INPP5F: variants seen among roughly 807,000 people sequenced by gnomAD.
INPP5F encodes inositol polyphosphate-5-phosphatase F.
In INPP5F, 97 loss-of-function variants were observed where a neutral mutation model predicts 137.2. The ratio of observed to expected loss-of-function variants is 0.71; its 90% CI spans 0.60 to 0.84. INPP5F has a LOEUF of 0.84. Ranked by LOEUF, INPP5F falls within the 40% of genes least tolerant of loss-of-function variation. INPP5F has a pLI of 0.00. For missense variants in INPP5F, 1,271 were observed against 1,371.9 expected (o/e 0.93, Z 1.16); for synonymous variants, 504 against 476.9 (o/e 1.06, Z -0.74).
chr10:119,804,618 A>C (rs1025584374), intron 10 of INPP5F, among the ~76,000 whole-genome samples: 5 of 151,858 alleles, frequency 3.3e-5, no homozygotes, highest in African/African-American at 1.2e-4. Context: ...TAGCAGAAGT[A>C]ATAGAATTTC....
intron 2 of INPP5F, among the ~76,000 whole-genome samples, chr10:119,758,991 G>C (rs904278585): frequency 6.6e-6 from 1 of 152,130 alleles, no homozygotes; most frequent in Non-Finnish European, 1.5e-5. Flanking sequence ...CATTGTTTTA[G>C]TGCATGCCTT....
At chr10:119,794,295 A>T (rs1211561725) in intron 6 of INPP5F, among the ~76,000 whole-genome samples, 1 of 152,164 alleles carries the variant, frequency 6.6e-6, no homozygotes, top group Non-Finnish European at 1.5e-5. Flanking sequence ...TTCAACCCTG[A>T]GTGGATACAG....
At chr10:119,785,286 G>GTTTTTTTTGTTTTTTTTTTTTTTTTT (rs1849846687) in intron 3 of INPP5F, among the ~76,000 whole-genome samples, 7 of 106,238 alleles carry the variant, frequency 6.6e-5, no homozygotes, top group African/African-American at 2.6e-4. Flanking sequence ...CTGCCAGACT[G>GTTTTTTTTGTTTTTTTTTTTTTTTTT]TTTTTTTTTT....
At position 119,827,822 on chromosome 10, in the gene INPP5F, T is replaced by C; in HGVS notation, c.*42T>C. 5 of 1,390,016 alleles carry C rather than the reference T, an allele frequency of 3.6e-6. No homozygotes were observed. The highest frequency in any genetic ancestry group is 4.9e-6 in the Non-Finnish European group (5 of 1,015,680). The allele number at this position is 1,390,016 out of a possible 1,614,324, so 86.1% of individuals were successfully genotyped here. The stretch of plus-strand genomic sequence containing the variant: ...TCCTTCCATGGCTTTTATTTAAAAA[T>C]ATGAAATTTTCACCTCTTGGGGTAT... On this transcript the variant is annotated 3_prime_UTR_variant, in exon 20 of 20. Transcript: ENST00000650623.
At chr10:119,780,660 GTGTC>G in intron 2 of INPP5F, among the ~76,000 whole-genome samples, 2 of 152,288 alleles carry the variant, frequency 1.3e-5, no homozygotes, top group Middle Eastern at 6.8e-3. Flanking sequence ...ATTGAGTTCT[GTGTC>G]TGTGGATCTA....
chr10:119,782,785 A>G (rs1209663699), intron 3 of INPP5F, among the ~76,000 whole-genome samples: 11 of 152,204 alleles, frequency 7.2e-5, no homozygotes, highest in Non-Finnish European at 1.5e-4. Context: ...CTGGTCCTAT[A>G]TAATTCTGCT....
At chr10:119,750,198 A>AT (rs1391163557) in intron 1 of INPP5F, among the ~76,000 whole-genome samples, 2 of 152,262 alleles carry the variant, frequency 1.3e-5, no homozygotes, top group Non-Finnish European at 2.9e-5. Flanking sequence ...TGAGTTACAG[A>AT]TTGAGTGTAA....
intron 2 of INPP5F, among the ~76,000 whole-genome samples, chr10:119,763,052 T>C (rs146725484): frequency 1.3e-5 from 2 of 152,320 alleles, no homozygotes; most frequent in African/African-American, 2.4e-5. Context: ...ATACAAGTTA[T>C]GTACTTAGAA....
chr10:119,821,190 G>A (rs999642842), intron 16 of INPP5F, among the ~76,000 whole-genome samples: 1 of 152,092 alleles, frequency 6.6e-6, no homozygotes, highest in African/African-American at 2.4e-5. Flanking sequence ...ATATTTCCCA[G>A]GTTTTGATGT....
At chr10:119,797,385 G>T in intron 7 of INPP5F, 76 bp from the exon 8 acceptor site, 2 of 1,155,706 alleles carry the variant, frequency 1.7e-6, no homozygotes, top group South Asian at 3.0e-5. Context: ...ACATACATTT[G>T]ATTAGGAAGC....
Position 119,823,183 on chromosome 10 carries a change from T to C in INPP5F, c.2145T>C (p.Pro715=). Residue 715 remains proline, a synonymous_variant, in exon 18 of 20, where the codon CCT becomes CCC. Transcript: ENST00000650623. ...FHTLRAVMRN[P]EEDGKDTLQC... ...CATTGCGAGCTGTAATGCGTAATCCTGAAGAGGATGGAAAAGGTAAAAAGA... is the reference window on the plus strand; with the variant it reads ...CATTGCGAGCTGTAATGCGTAATCCCGAAGAGGATGGAAAAGGTAAAAAGA... 1 of 1,613,802 alleles carries C rather than the reference T, an allele frequency of 6.2e-7. No individual in the cohort carries two copies. Among genetic ancestry groups the C allele is most frequent in the Non-Finnish European group, 8.5e-7 (1 of 1,179,846 alleles).
At chr10:119,750,853 A>G (rs929588858) in intron 1 of INPP5F, among the ~76,000 whole-genome samples, 2 of 152,284 alleles carry the variant, frequency 1.3e-5, no homozygotes, top group African/African-American at 4.8e-5. Flanking sequence ...TCTGAATGTT[A>G]CTGCTTTCCC....
chr10:119,742,167 A>ATTTATTTAT (rs1261837974), intron 1 of INPP5F, among the ~76,000 whole-genome samples: 2 of 149,470 alleles, frequency 1.3e-5, no homozygotes, highest in African/African-American at 2.5e-5. Flanking sequence ...TTATTTATTT[A>ATTTATTTAT]TTTTTTGAGA....
At chr10:119,753,430 A>T (rs896003390) in intron 2 of INPP5F, among the ~76,000 whole-genome samples, 11 of 152,178 alleles carry the variant, frequency 7.2e-5, no homozygotes, top group African/African-American at 2.7e-4. Context: ...ATACTTTCTC[A>T]TGATTCTATG....
chr10:119,779,347 T>C (rs537082487), intron 2 of INPP5F, among the ~76,000 whole-genome samples: 1 of 152,308 alleles, frequency 6.6e-6, no homozygotes, highest in Non-Finnish European at 1.5e-5. Context: ...CTATAGACTT[T>C]ATAAACATCA....
chr10:119,726,236 C>A lies in INPP5F; in HGVS notation c.-27C>A, dbSNP rs1353429911. The A allele has an allele frequency of 7.1e-7, 1 of 1,414,698 alleles. No individual in the cohort carries two copies. Among genetic ancestry groups the A allele is most frequent in the Non-Finnish European group, 9.3e-7 (1 of 1,077,054 alleles). The allele number at this position is 1,414,698 out of a possible 1,614,324, so 87.6% of individuals were successfully genotyped here. A position where few individuals can be genotyped will look rare whatever the true frequency, so the allele number is the denominator to read the frequency against. On this transcript the variant is annotated 5_prime_UTR_variant, in exon 1 of 20. Transcript: ENST00000650623. ...CGCCCCGTGCGCCGCCCGCGGGCCG[C>A]CGCCTCCCTGGGCGCGCGGGGCCAG... is the stretch of plus-strand genomic sequence containing the variant.
intron 15 of INPP5F, among the ~76,000 whole-genome samples, chr10:119,820,350 G>T (rs1392249631): frequency 1.3e-5 from 2 of 152,172 alleles, no homozygotes; most frequent in Non-Finnish European, 1.5e-5. Context: ...GCTTGGACTT[G>T]TTCCATTTTT....
chr10:119,809,039 C>G (rs1318821922), intron 13 of INPP5F, among the ~76,000 whole-genome samples: 1 of 152,108 alleles, frequency 6.6e-6, no homozygotes, highest in Non-Finnish European at 1.5e-5. Context: ...GCCTGGCCAA[C>G]AAGGTGAAAC....
At chr10:119,774,610 C>G (rs1849463281) in intron 2 of INPP5F, among the ~76,000 whole-genome samples, 1 of 151,714 alleles carries the variant, frequency 6.6e-6, no homozygotes. Flanking sequence ...CTGGAAGTAC[C>G]ACTCCCGACC....
Sources: allele counts gnomAD v4.1 joint callset (sites outside exome capture counted in the v4.1 genomes callset), GRCh38; gene constraint gnomAD v4.1.1; transcripts MANE v1.5; gene names NCBI Gene and HGNC (gene_info 2026-07-23, HGNC 2026-07-21).